Variants in GPHN observed in about 807,000 individuals in gnomAD.
GPHN encodes gephyrin.
GPHN carries 17 observed loss-of-function variants against 95.5 expected under a neutral mutation model. The ratio of observed to expected loss-of-function variants is 0.18; its 90% CI spans 0.12 to 0.27. GPHN has a LOEUF of 0.27. Ranked by LOEUF, GPHN falls within the 10% of genes least tolerant of loss-of-function variation. The pLI is 1.00. For synonymous variants in GPHN, 320 were observed against 322.5 expected, an observed-to-expected ratio of 0.99 and a Z score of 0.08; for missense variants, 660 against 978.1, an observed-to-expected ratio of 0.67 and a Z score of 4.34.
the GPHN span, among the ~76,000 whole-genome samples, chr14:67,529,813 G>T: frequency 6.6e-6 from 1 of 152,320 alleles, no homozygotes; most frequent in Non-Finnish European, 1.5e-5. Flanking sequence ...ACCCAAGGCA[G>T]AGAGCAGAAG....
chr14:66,585,236 C>T (rs1035216555), intron 1 of GPHN, among the ~76,000 whole-genome samples: 35 of 152,162 alleles, frequency 2.3e-4, no homozygotes, highest in Admixed American at 2.2e-3. Flanking sequence ...GTGATGATAT[C>T]CCCTTTGTTA....
chr14:67,735,244 C>G, the GPHN span: 8 of 1,310,330 alleles, frequency 6.1e-6, no homozygotes, highest in Non-Finnish European at 8.8e-6. Flanking sequence ...CCACGAGACA[C>G]AGCCTCCCTC....
chr14:67,278,827 CT>C, the GPHN span, among the ~76,000 whole-genome samples: 1 of 151,938 alleles, frequency 6.6e-6, no homozygotes, highest in East Asian at 1.9e-4. Flanking sequence ...TGGAAAGGGA[CT>C]TTTTGGGGGA....
At chr14:67,057,848 G>T (rs1195941972) in intron 10 of GPHN, among the ~76,000 whole-genome samples, 2 of 152,012 alleles carry the variant, frequency 1.3e-5, no homozygotes, top group Non-Finnish European at 2.9e-5. Flanking sequence ...TTGTTGAATG[G>T]GTATGTGTAT....
intron 1 of GPHN, among the ~76,000 whole-genome samples, chr14:66,522,532 C>T (rs1324201789): frequency 1.3e-5 from 2 of 152,094 alleles, no homozygotes; most frequent in Non-Finnish European, 2.9e-5. Context: ...TAGTCTAGTG[C>T]TTCCAAATTT....
At chr14:67,349,061 G>C in the GPHN span, 2 of 1,614,014 alleles carry the variant, frequency 1.2e-6, no homozygotes, top group South Asian at 2.2e-5. Context: ...TTCTTCGCTC[G>C]AATCTTCACT....
At chr14:67,186,871 G>C in the GPHN span, among the ~76,000 whole-genome samples, 1 of 152,172 alleles carries the variant, frequency 6.6e-6, no homozygotes, top group South Asian at 2.1e-4. Context: ...ATTTGCAGCC[G>C]AGAGACAATC....
chr14:66,810,414 T>C (rs1304577375), intron 3 of GPHN, among the ~76,000 whole-genome samples: 1 of 151,742 alleles, frequency 6.6e-6, no homozygotes, highest in Non-Finnish European at 1.5e-5. Flanking sequence ...AATTACATAA[T>C]ATATATTATC....
the GPHN span, among the ~76,000 whole-genome samples, chr14:67,319,971 C>T: frequency 6.6e-6 from 1 of 152,118 alleles, no homozygotes; most frequent in East Asian, 1.9e-4. Flanking sequence ...TGCAAATTAG[C>T]TGTTTAATGT....
At chr14:67,013,028 A>T (rs2073097559) in intron 9 of GPHN, among the ~76,000 whole-genome samples, 1 of 152,034 alleles carries the variant, frequency 6.6e-6, no homozygotes, top group South Asian at 2.1e-4. Flanking sequence ...TAGAATGTAA[A>T]TTCCAAGATA....
the GPHN span, chr14:67,447,030 T>C: frequency 6.6e-6 from 1 of 152,186 alleles, no homozygotes; most frequent in Non-Finnish European, 1.5e-5. Context: ...GAAGTCCATA[T>C]GGGGAGTGTC....
At chr14:67,229,418 T>A in the GPHN span, among the ~76,000 whole-genome samples, 2 of 152,216 alleles carry the variant, frequency 1.3e-5, no homozygotes, top group African/African-American at 4.8e-5. Flanking sequence ...AGTAGGCATA[T>A]ATGGCTATTG....
chr14:67,303,675 A>G, the GPHN span: 1 of 998,552 alleles, frequency 1.0e-6, no homozygotes, highest in Middle Eastern at 2.3e-4. Flanking sequence ...ACTGTTACAG[A>G]AATGTCACTG....
At chr14:67,205,896 G>T in the GPHN span, among the ~76,000 whole-genome samples, 1 of 152,140 alleles carries the variant, frequency 6.6e-6, no homozygotes, top group African/African-American at 2.4e-5. Flanking sequence ...GTCCACAATA[G>T]AAAAAAGTCT....
chr14:67,208,497 T>G, the GPHN span: 1 of 1,574,606 alleles, frequency 6.4e-7, no homozygotes, highest in South Asian at 1.2e-5. Flanking sequence ...CATGAAATAT[T>G]AATAAAGAAA....
the GPHN span, chr14:67,321,407 A>G: frequency 4.2e-6 from 3 of 721,322 alleles, no homozygotes. Context: ...CTGAAATCAC[A>G]CAGGTTGCTA....
the GPHN span, chr14:67,579,544 A>G: frequency 1.5e-6 from 1 of 669,128 alleles, no homozygotes; most frequent in Non-Finnish European, 2.5e-6. Flanking sequence ...TTTACAGTGG[A>G]TAAGCTCACA....
downstream of GPHN, among the ~76,000 whole-genome samples, chr14:67,182,931 G>A (rs1029311549): frequency 2.1e-5 from 3 of 144,916 alleles, no homozygotes; most frequent in Non-Finnish European, 3.0e-5. Flanking sequence ...CTACAGCCTC[G>A]AACTCCTGGC....
intron 5 of GPHN, among the ~76,000 whole-genome samples, chr14:66,884,137 T>C (rs1366780613): frequency 4.6e-5 from 7 of 152,084 alleles, no homozygotes; most frequent in African/African-American, 1.7e-4. Context: ...CTTTAGACAA[T>C]ATCGGCTCCT....
Sources: allele counts gnomAD v4.1 joint callset (sites outside exome capture counted in the v4.1 genomes callset), GRCh38; gene constraint gnomAD v4.1.1; transcripts MANE v1.5; gene names NCBI Gene and HGNC (gene_info 2026-07-23, HGNC 2026-07-21).